Variants in SHISA6 observed in about 807,000 individuals in gnomAD.
SHISA6 encodes the protein shisa family member 6, also known as protein shisa-6.
In SHISA6, 22 loss-of-function variants were observed where a neutral mutation model predicts 47.9. The ratio of observed to expected loss-of-function variants is 0.46; its 90% CI spans 0.33 to 0.66. The LOEUF (loss-of-function observed/expected upper bound fraction) is 0.66. Ranked by LOEUF, SHISA6 falls within the 30% of genes least tolerant of loss-of-function variation. The pLI is 0.02. For missense variants in SHISA6, 680 were observed against 764.6 expected (o/e 0.89, Z 1.30); for synonymous variants, 388 against 337.8 (o/e 1.15, Z -1.63).
chr17:11,337,407 G>T (rs911497447), intron 2 of SHISA6, among the ~76,000 whole-genome samples: 48 of 152,160 alleles, frequency 3.2e-4, no homozygotes, highest in African/African-American at 8.7e-4. Context: ...CATGCACTTC[G>T]GGCTTGCACC....
At chr17:11,318,978 A>G (rs930596139) in intron 2 of SHISA6, among the ~76,000 whole-genome samples, 6 of 151,864 alleles carry the variant, frequency 4.0e-5, no homozygotes, top group African/African-American at 1.5e-4. Flanking sequence ...AGAGTCTACT[A>G]ATTTGTACTT....
chr17:11,371,277 T>C (rs1455345209), intron 2 of SHISA6, among the ~76,000 whole-genome samples: 1 of 152,124 alleles, frequency 6.6e-6, no homozygotes, highest in Non-Finnish European at 1.5e-5. Context: ...TCTCATTGTA[T>C]AGTCAGGGTT....
chr17:11,395,166 A>G (rs982335155), intron 3 of SHISA6, among the ~76,000 whole-genome samples: 3 of 151,606 alleles, frequency 2.0e-5, no homozygotes, highest in African/African-American at 7.3e-5. Flanking sequence ...TCTTTTACAC[A>G]GCCACAGTAT....
intron 2 of SHISA6, among the ~76,000 whole-genome samples, chr17:11,339,427 C>CA (rs869267340): frequency 1.2e-4 from 1 of 8,624 alleles, no homozygotes; most frequent in South Asian, 3.5e-3. Context: ...ATTCACTACA[C>CA]CCCCCCTCCT....
intron 2 of SHISA6, among the ~76,000 whole-genome samples, chr17:11,292,050 T>C (rs1909569854): frequency 6.6e-6 from 1 of 152,164 alleles, no homozygotes; most frequent in African/African-American, 2.4e-5. Context: ...TCTACTGTCT[T>C]AGCAGCGTTC....
chr17:11,525,659 A>AAAAAAAAC (rs1567629385), intron 3 of SHISA6, among the ~76,000 whole-genome samples: 6 of 148,860 alleles, frequency 4.0e-5, no homozygotes, highest in African/African-American at 1.5e-4. Flanking sequence ...AAACAAAAAA[A>AAAAAAAAC]AAAAAACGTG....
chr17:11,369,180 T>C lies in SHISA6; in HGVS notation c.800-10234T>C, dbSNP rs547223340. Among the ~76,000 whole-genome samples the C allele has an allele frequency of 2.0e-4, 31 of 152,290 alleles. No homozygotes were observed. The South Asian group carries it at 6.2e-3, about 31-fold the overall frequency. On this transcript the variant is annotated intron_variant, in intron 2 of 5. Coordinates refer to ENST00000441885, the MANE Select transcript of SHISA6 (RefSeq NM_207386.4). ...TCAGGCTTAGCTTTTTTTGCAAGTA[T>C]GGTGGAATGAAAGGAACTCCCAGCA...
intron 1 of SHISA6, among the ~76,000 whole-genome samples, chr17:11,246,977 C>T (rs1567698301): frequency 6.6e-6 from 1 of 152,174 alleles, no homozygotes; most frequent in Non-Finnish European, 1.5e-5. Flanking sequence ...AAGGCCTTCA[C>T]ACCCATCCCT....
At chr17:11,373,283 G>A (rs1355424216) in intron 2 of SHISA6, among the ~76,000 whole-genome samples, 1 of 151,680 alleles carries the variant, frequency 6.6e-6, no homozygotes, top group East Asian at 1.9e-4. Flanking sequence ...ATTCTTAAAG[G>A]ATAATTTGGC....
chr17:11,291,913 TA>T (rs1909561147), intron 2 of SHISA6, among the ~76,000 whole-genome samples: 1 of 152,172 alleles, frequency 6.6e-6, no homozygotes, highest in African/African-American at 2.4e-5. Flanking sequence ...TTGTAACTGA[TA>T]AAAATTTTCT....
At chr17:11,375,848 GA>G (rs1912781140) in intron 2 of SHISA6, among the ~76,000 whole-genome samples, 1 of 152,198 alleles carries the variant, frequency 6.6e-6, no homozygotes, top group South Asian at 2.1e-4. Flanking sequence ...TGGTGAAGGT[GA>G]GGGGGCAGTG....
chr17:11,376,604 G>T (rs919209029), intron 2 of SHISA6, among the ~76,000 whole-genome samples: 1 of 151,710 alleles, frequency 6.6e-6, no homozygotes, highest in African/African-American at 2.4e-5. Flanking sequence ...GATTACAGAC[G>T]TGAGCCACTG....
At chr17:11,264,686 T>C (rs948898742) in intron 2 of SHISA6, among the ~76,000 whole-genome samples, 1 of 152,202 alleles carries the variant, frequency 6.6e-6, no homozygotes, top group Non-Finnish European at 1.5e-5. Flanking sequence ...TAAGGATATA[T>C]AGCCACTAGG....
At chr17:11,381,013 C>G (rs531075430) in intron 3 of SHISA6, among the ~76,000 whole-genome samples, 1 of 152,156 alleles carries the variant, frequency 6.6e-6, no homozygotes, top group Non-Finnish European at 1.5e-5. Flanking sequence ...CACGCCATTA[C>G]TTTTGCAATA....
chr17:11,351,944 A>AGT (rs1224159047), intron 2 of SHISA6, among the ~76,000 whole-genome samples: 1 of 152,218 alleles, frequency 6.6e-6, no homozygotes. Context: ...AAAGTAGGTA[A>AGT]GTATGGAAAA....
intron 3 of SHISA6, among the ~76,000 whole-genome samples, chr17:11,463,228 C>T (rs1915735024): frequency 6.6e-6 from 1 of 152,174 alleles, no homozygotes; most frequent in African/African-American, 2.4e-5. Flanking sequence ...ATGGTACCTA[C>T]TTCAAAAGGG....
intron 3 of SHISA6, among the ~76,000 whole-genome samples, chr17:11,464,779 C>A (rs913566344): frequency 6.6e-6 from 1 of 152,082 alleles, no homozygotes; most frequent in African/African-American, 2.4e-5. Flanking sequence ...TCCGTCTCTA[C>A]TAAAATACAA....
chr17:11,253,032 G>T (rs1414795796), intron 1 of SHISA6, among the ~76,000 whole-genome samples: 5 of 152,228 alleles, frequency 3.3e-5, no homozygotes, highest in African/African-American at 4.8e-5. Flanking sequence ...TCGCGAAGAA[G>T]AATATATCGG....
intron 3 of SHISA6, among the ~76,000 whole-genome samples, chr17:11,544,883 C>A (rs2071869050): frequency 6.7e-6 from 1 of 150,064 alleles, no homozygotes; most frequent in South Asian, 2.1e-4. Flanking sequence ...ATGGCATGAA[C>A]CTAGGAGGCG....
Sources: allele counts gnomAD v4.1 joint callset (sites outside exome capture counted in the v4.1 genomes callset), GRCh38; gene constraint gnomAD v4.1.1; transcripts MANE v1.5; gene names NCBI Gene and HGNC (gene_info 2026-07-23, HGNC 2026-07-21).